Variants in TEX11 observed in about 807,000 individuals in gnomAD.
TEX11 encodes testis expressed 11.
Under a neutral mutation model 84.4 loss-of-function variants are expected in TEX11, and 7 were observed. The ratio of observed to expected loss-of-function variants is 0.08; its 90% confidence interval spans 0.05 to 0.16. The LOEUF (loss-of-function observed/expected upper bound fraction) is 0.16. TEX11 is among the 10% of genes least tolerant of loss of function. TEX11 has a pLI of 1.00. For missense variants in TEX11, 551 were observed against 660.5 expected (o/e 0.83, Z 1.82); for synonymous variants, 264 against 222.8 (o/e 1.18, Z -1.64).
chrX:70,556,704 G>A lies in TEX11; in HGVS notation c.2141-1904C>T, dbSNP rs1003606549. Reference sequence around the variant, plus strand: ...TGAGTATTTGTTGACCTATTCTATTGATTACTAAGAAAGGAATATTCAAGT... The same window carrying A: ...TGAGTATTTGTTGACCTATTCTATTAATTACTAAGAAAGGAATATTCAAGT... On this transcript the variant is annotated intron_variant, in intron 25 of 29. Coordinates refer to ENST00000374333, the MANE Select transcript of TEX11 (RefSeq NM_031276.3). Among the ~76,000 whole-genome samples, 6 of 111,163 alleles carry A rather than the reference G, an allele frequency of 5.4e-5. No individual in the cohort carries two copies. In the Admixed American group the frequency reaches 5.8e-4, roughly 11 times the overall value.
chrX:70,776,904 T>C (rs1227288260), intron 9 of TEX11, among the ~76,000 whole-genome samples: 10 of 111,571 alleles, frequency 9.0e-5, no homozygotes, highest in Non-Finnish European at 1.3e-4. Flanking sequence ...TTCCAACATA[T>C]AGAAATGATA....
chrX:70,639,727 A>G (rs914938543), intron 17 of TEX11, among the ~76,000 whole-genome samples: 2 of 111,729 alleles, frequency 1.8e-5, no homozygotes, highest in African/African-American at 3.3e-5. Context: ...TAGAAGGAAA[A>G]CTAACAAACA....
chrX:70,573,022 T>C (rs182553068), intron 25 of TEX11, among the ~76,000 whole-genome samples: 6 of 111,389 alleles, frequency 5.4e-5, no homozygotes, highest in Non-Finnish European at 1.1e-4. Context: ...ATAAATAAAA[T>C]TTCCAGATTC....
intron 9 of TEX11, among the ~76,000 whole-genome samples, chrX:70,797,958 A>T (rs369402470): frequency 1.0e-5 from 1 of 97,148 alleles, no homozygotes. Flanking sequence ...CAAAGCAAAG[A>T]TGCCCACTCT....
chrX:70,740,333 T>C (rs1479105263), intron 11 of TEX11, among the ~76,000 whole-genome samples: 1 of 111,324 alleles, frequency 9.0e-6, no homozygotes, highest in African/African-American at 3.3e-5. Flanking sequence ...CCTCACATGA[T>C]AAAAGGGGTG....
intron 17 of TEX11, among the ~76,000 whole-genome samples, chrX:70,644,277 T>A (rs1221144753): frequency 2.3e-4 from 24 of 105,552 alleles, no homozygotes; most frequent in Non-Finnish European, 3.7e-4. Flanking sequence ...AAACAACAGG[T>A]GCTGGAGAGG....
intron 17 of TEX11, among the ~76,000 whole-genome samples, chrX:70,640,942 A>G (rs1363600184): frequency 9.0e-6 from 1 of 111,003 alleles, no homozygotes; most frequent in Non-Finnish European, 1.9e-5. Flanking sequence ...ATGTAAATGG[A>G]CTAAATGCTC....
chrX:70,816,038 T>A (rs2091284594), intron 8 of TEX11, among the ~76,000 whole-genome samples: 1 of 111,549 alleles, frequency 9.0e-6, no homozygotes, highest in African/African-American at 3.3e-5. Flanking sequence ...CCGAGTAGTA[T>A]AAACTGCACC....
In TEX11 at chrX:70,764,702, T is replaced by A. The variant is rs753599591; in HGVS notation, c.693-20483A>T. ...TTAGTGGCCACTATGAACAGCTATA[T>A]GCCAATTAATTGAAAAATTTAAAGA... On this transcript the variant is annotated intron_variant, in intron 9 of 29. Coordinates refer to ENST00000374333, the MANE Select transcript of TEX11 (RefSeq NM_031276.3). Among the ~76,000 whole-genome samples the A allele has an allele frequency of 1.1e-3, 124 of 111,092 alleles. 1 individual carries two copies. Among genetic ancestry groups the A allele is most frequent in the African/African-American group, 3.9e-3 (121 of 30,638 alleles).
chrX:70,573,908 G>T (rs2088638428), intron 25 of TEX11, among the ~76,000 whole-genome samples: 1 of 110,922 alleles, frequency 9.0e-6, no homozygotes, highest in African/African-American at 3.3e-5. Flanking sequence ...ATCCATGCTG[G>T]GCTTTGTTCT....
intron 3 of TEX11, 33 bp downstream of exon 3, chrX:70,879,955 A>C (rs1372036831): frequency 8.9e-7 from 1 of 1,122,605 alleles, no homozygotes; most frequent in Admixed American, 2.5e-5. Flanking sequence ...AATCATCGAA[A>C]CTTATCATAA....
intron 2 of TEX11, among the ~76,000 whole-genome samples, chrX:70,902,387 A>G (rs2091808146): frequency 8.9e-6 from 1 of 112,048 alleles, no homozygotes; most frequent in Non-Finnish European, 1.9e-5. Context: ...GTGAAGGTCT[A>G]GGACATTACT....
At chrX:70,671,106 G>A (rs2090018348) in intron 15 of TEX11, among the ~76,000 whole-genome samples, 1 of 111,113 alleles carries the variant, frequency 9.0e-6, no homozygotes, top group African/African-American at 3.3e-5. Flanking sequence ...GAATTTGCAG[G>A]GTTTTTACTA....
chrX:70,746,607 G>C (rs1246788851), intron 9 of TEX11, among the ~76,000 whole-genome samples: 2 of 112,304 alleles, frequency 1.8e-5, no homozygotes, highest in Non-Finnish European at 3.8e-5. Context: ...GAAGCAAAGA[G>C]GAAGAACTCT....
chrX:70,624,935 C>A lies in TEX11; in HGVS notation c.1609-11G>T, dbSNP rs1407135160. 1.7e-6 allele frequency: 2 copies of A among 1,144,845 alleles called. No homozygotes were observed. Among genetic ancestry groups the A allele is most frequent in the South Asian group, 3.7e-5 (2 of 53,434 alleles). 94.3% of individuals were successfully genotyped at this position (1,144,845 alleles called of 1,213,427 possible). The stretch of plus-strand genomic sequence containing the variant: ...AATTTGTTGTCCATTCTAAAAAGAA[C>A]AAATATAATACGTTAAATTACATCT... On this transcript the variant is annotated splice_polypyrimidine_tract_variant and intron_variant, in intron 18 of 29. Transcript: ENST00000374333.
At chrX:70,636,160 GC>G (rs1249010838) in intron 17 of TEX11, among the ~76,000 whole-genome samples, 2 of 110,305 alleles carry the variant, frequency 1.8e-5, no homozygotes, top group Non-Finnish European at 3.8e-5. Context: ...CCCCAGGCTG[GC>G]CCCCACAGAC....
In TEX11 at chrX:70,836,692, G is replaced by T. The variant is rs137882503; in HGVS notation, c.526-3099C>A. Among the ~76,000 whole-genome samples the T allele has an allele frequency of 6.6e-3, 738 of 112,074 alleles. 6 individuals are homozygous for T. The highest frequency in any genetic ancestry group is 0.023 in the African/African-American group (707 of 30,870). On this transcript the variant is annotated intron_variant, in intron 7 of 29. Coordinates refer to ENST00000374333, the MANE Select transcript of TEX11 (RefSeq NM_031276.3). ...TACCAAATGCTGTCAAGGATGCAAA[G>T]AAATGGGATCTCTCATACATTACTG...
At chrX:70,888,387 T>C (rs1300084308) in intron 2 of TEX11, among the ~76,000 whole-genome samples, 1 of 112,465 alleles carries the variant, frequency 8.9e-6, no homozygotes, top group Admixed American at 9.4e-5. Flanking sequence ...TGAAATACTT[T>C]AAATTAATCA....
At chrX:70,577,402 A>C (rs762669833) in intron 25 of TEX11, among the ~76,000 whole-genome samples, 1 of 112,089 alleles carries the variant, frequency 8.9e-6, no homozygotes, top group South Asian at 3.7e-4. Context: ...AAACAAGAAT[A>C]TAAAACAGAA....
Sources: gnomAD v4.1 joint callset for allele counts (sites outside exome capture counted in the v4.1 genomes callset) on GRCh38, gnomAD v4.1.1 for gene constraint, MANE v1.5 for transcripts, NCBI Gene and HGNC (gene_info 2026-07-23, HGNC 2026-07-21) for gene names.